The following EVI5 variants were observed in gnomAD, a reference collection of about 807,000 sequenced individuals.
EVI5 encodes ecotropic viral integration site 5, also known as ecotropic viral integration site 5 protein homolog.
A neutral mutation model predicts 112.0 loss-of-function variants in EVI5; 73 were observed. The ratio of observed to expected loss-of-function variants is 0.65; its 90% CI spans 0.54 to 0.79. The LOEUF (loss-of-function observed/expected upper bound fraction) is 0.79. EVI5 is among the 30% of genes least tolerant of loss of function. The probability of loss-of-function intolerance (pLI) is 0.00; values close to 1 mark genes in which losing one functional copy is unlikely to be tolerated. For synonymous variants in EVI5, 305 were observed against 319.9 expected (o/e 0.95, Z 0.50); for missense variants, 900 against 968.8 (o/e 0.93, Z 0.94).
chr1:92,683,039 G>C (rs545883843), intron 9 of EVI5, among the ~76,000 whole-genome samples: 1 of 152,188 alleles, frequency 6.6e-6, no homozygotes, highest in South Asian at 2.1e-4. Context: ...TCTAATCTAG[G>C]ACCTAACTGG....
At chr1:92,763,428 G>A (rs1167508498) in intron 1 of EVI5, among the ~76,000 whole-genome samples, 3 of 151,980 alleles carry the variant, frequency 2.0e-5, no homozygotes, top group Non-Finnish European at 4.4e-5. Flanking sequence ...CAGGCACGGT[G>A]GCTCACACCT....
Position 92,608,883 on chromosome 1 carries a change from A to C in EVI5, c.1828-1156T>G, listed in dbSNP as rs375429698. 1.4e-3 allele frequency among the ~76,000 whole-genome samples: 216 copies of C among 152,334 alleles called. 3 individuals carry two copies. The South Asian group carries it at 0.017, about 12-fold the overall frequency. ...TTAATATTTGGTCATTAAGCAAACA[A>C]GCTAGTATCTCTGAGTCTCTATTTC... On this transcript the variant is annotated intron_variant, in intron 16 of 19. Coordinates refer to ENST00000684568, the MANE Select transcript of EVI5 (RefSeq NM_001350197.2).
chr1:92,789,263 C>T (rs889947269), upstream of EVI5, among the ~76,000 whole-genome samples: 6 of 151,764 alleles, frequency 4.0e-5, no homozygotes, highest in Non-Finnish European at 8.8e-5. Flanking sequence ...CACTATGTTG[C>T]TCAGGCTGGA....
chr1:92,737,237 C>A lies in EVI5; in HGVS notation c.-81-610G>T, dbSNP rs895014596. 3.3e-5 allele frequency among the ~76,000 whole-genome samples: 5 copies of A among 152,114 alleles called. No homozygotes were observed. In the East Asian group the frequency reaches 9.7e-4, roughly 29 times the overall value. Reference sequence around the variant, plus strand: ...CCAGGAACAAAATTATGGTAAATGGCTGGGTTAATAGAATGAGAGGGGTTC... The same window carrying A: ...CCAGGAACAAAATTATGGTAAATGGATGGGTTAATAGAATGAGAGGGGTTC... On this transcript the variant is annotated intron_variant, in intron 1 of 19. Coordinates refer to ENST00000684568, the MANE Select transcript of EVI5 (RefSeq NM_001350197.2).
In EVI5 at chr1:92,736,412, C is replaced by T; in HGVS notation, c.135G>A (p.Leu45=). The change falls in exon 2 of 20, where the codon CTG becomes CTA. Residue 45 remains leucine (L), a synonymous_variant. Coordinates refer to ENST00000684568, the MANE Select transcript of EVI5 (RefSeq NM_001350197.2). ...ACCTCACTCACCTATTCTGTTCTTC[C>T]AGTTTAGCCAGGAGTTCTAAGTCGT... ...SPDDLELLAK[L]EEQNRLLETD... 1 of 1,609,128 alleles carries T rather than the reference C, an allele frequency of 6.2e-7. No homozygotes were observed. Among genetic ancestry groups the T allele is most frequent in the Non-Finnish European group, 8.5e-7 (1 of 1,175,622 alleles).
intron 14 of EVI5, among the ~76,000 whole-genome samples, chr1:92,627,796 CTT>C (rs959192128): frequency 6.8e-6 from 1 of 146,514 alleles, no homozygotes; most frequent in African/African-American, 2.5e-5. Context: ...AGTATTTTTT[CTT>C]TTTTTTTTTG....
At chr1:92,620,777 A>C (rs902654592) in intron 16 of EVI5, among the ~76,000 whole-genome samples, 1 of 152,220 alleles carries the variant, frequency 6.6e-6, no homozygotes, top group Admixed American at 6.5e-5. Context: ...ACCAGACAGA[A>C]ACATGGATCT....
intron 5 of EVI5, among the ~76,000 whole-genome samples, chr1:92,700,458 A>G (rs1670975865): frequency 6.6e-6 from 1 of 152,234 alleles, no homozygotes; most frequent in African/African-American, 2.4e-5. Context: ...GCCCTGGGCC[A>G]TAAGTGACTA....
chr1:92,788,996 T>C (rs1685885098), upstream of EVI5, among the ~76,000 whole-genome samples: 2 of 152,186 alleles, frequency 1.3e-5, no homozygotes, highest in Admixed American at 6.5e-5. Flanking sequence ...AGCTGAAATT[T>C]AATAAATACC....
intron 10 of EVI5, among the ~76,000 whole-genome samples, chr1:92,666,943 T>C (rs779417219): frequency 1.3e-5 from 2 of 152,178 alleles, no homozygotes. Context: ...CAAATGTCAG[T>C]TGAATGAAGA....
At chr1:92,741,796 T>C (rs185254721) in intron 1 of EVI5, among the ~76,000 whole-genome samples, 315 of 152,250 alleles carry the variant, frequency 2.1e-3, no homozygotes, top group African/African-American at 7.3e-3. Flanking sequence ...AAATCAAAGA[T>C]TCAGCTCATT....
chr1:92,775,043 T>C (rs987158559), intron 1 of EVI5, among the ~76,000 whole-genome samples: 7 of 152,222 alleles, frequency 4.6e-5, no homozygotes, highest in Admixed American at 3.3e-4. Flanking sequence ...TGTCATCTGA[T>C]TGATATCTTG....
intron 13 of EVI5, among the ~76,000 whole-genome samples, chr1:92,650,734 A>G (rs143577683): frequency 3.5e-3 from 526 of 152,028 alleles, no homozygotes; most frequent in Admixed American, 6.0e-3. Flanking sequence ...AAATTACTCA[A>G]TTTTATCTCT....
At chr1:92,693,277 G>A (rs1005730258) in intron 9 of EVI5, among the ~76,000 whole-genome samples, 15 of 152,116 alleles carry the variant, frequency 9.9e-5, no homozygotes, top group African/African-American at 2.9e-4. Flanking sequence ...CCTGTACTCA[G>A]GAAGCTGATG....
chr1:92,673,419 C>T (rs1002087363), intron 10 of EVI5, among the ~76,000 whole-genome samples: 6 of 151,988 alleles, frequency 3.9e-5, no homozygotes, highest in African/African-American at 1.4e-4. Flanking sequence ...GTTCGTATGT[C>T]TATCAGAATC....
chr1:92,653,175 G>A (rs1024653860), intron 13 of EVI5, among the ~76,000 whole-genome samples: 1 of 152,156 alleles, frequency 6.6e-6, no homozygotes, highest in Non-Finnish European at 1.5e-5. Flanking sequence ...CCCTGCCCAG[G>A]GAACCTCAGC....
chr1:92,787,767 A>AGAG (rs1685749852), upstream of EVI5, among the ~76,000 whole-genome samples: 1 of 150,966 alleles, frequency 6.6e-6, no homozygotes, highest in Non-Finnish European at 1.5e-5. Flanking sequence ...AGAGAAAGAG[A>AGAG]GAGGAAGACT....
At position 92,509,080 on chromosome 1, in the gene EVI5, T is replaced by C. The variant is rs1305889053; in HGVS notation, c.*4576A>G. The C allele has an allele frequency of 6.6e-6, 1 of 152,300 alleles. No individual in the cohort carries two copies. The highest frequency in any genetic ancestry group is 1.5e-5 in the Non-Finnish European group (1 of 68,032). 9.4% of individuals were successfully genotyped at this position (152,300 alleles called of 1,614,324 possible). A position where few individuals can be genotyped will look rare whatever the true frequency, so the allele number is the denominator to read the frequency against. ...TTTCATGAAATGTTCGCTGTCAATG[T>C]CTGGTATGTTAATATACATTAATCA... is the stretch of plus-strand genomic sequence containing the variant. On this transcript the variant is annotated 3_prime_UTR_variant, in exon 20 of 20. Transcript: ENST00000684568.
chr1:92,635,381 G>A (rs1039879850), intron 14 of EVI5, among the ~76,000 whole-genome samples: 7 of 152,226 alleles, frequency 4.6e-5, no homozygotes, highest in Admixed American at 3.3e-4. Context: ...GGCAATGGCA[G>A]GCGCCCCCGC....
Sources: allele counts gnomAD v4.1 joint callset (sites outside exome capture counted in the v4.1 genomes callset), GRCh38; gene constraint gnomAD v4.1.1; transcripts MANE v1.5; gene names NCBI Gene and HGNC (gene_info 2026-07-23, HGNC 2026-07-21).